SLC2A13: variants seen among roughly 807,000 people sequenced by gnomAD.
SLC2A13 encodes the protein proton myo-inositol cotransporter.
Under a neutral mutation model 64.4 loss-of-function variants are expected in SLC2A13, and 32 were observed. That is an observed-to-expected ratio of 0.50 (90% CI 0.37 to 0.67). The LOEUF (loss-of-function observed/expected upper bound fraction) is 0.67. Ranked by LOEUF, SLC2A13 falls within the 30% of genes least tolerant of loss-of-function variation. The pLI is 0.00. For synonymous variants in SLC2A13, 338 were observed against 327.1 expected (o/e 1.03, Z -0.36); for missense variants, 743 against 829.2 (o/e 0.90, Z 1.28).
chr12:39,994,393 A>C (rs1241283919), intron 3 of SLC2A13, among the ~76,000 whole-genome samples: 1 of 151,796 alleles, frequency 6.6e-6, no homozygotes, highest in Non-Finnish European at 1.5e-5. Context: ...AAAAAAAAAA[A>C]AAACAAAAAA....
chr12:39,969,517 C>T (rs1385069896), intron 3 of SLC2A13, among the ~76,000 whole-genome samples: 10 of 152,146 alleles, frequency 6.6e-5, no homozygotes, highest in East Asian at 1.9e-4. Flanking sequence ...TGATATCTCA[C>T]TGTGGTTTTG....
At chr12:39,988,673 G>A (rs540580063) in intron 3 of SLC2A13, among the ~76,000 whole-genome samples, 18 of 106,184 alleles carry the variant, frequency 1.7e-4, no homozygotes, top group African/African-American at 5.7e-4. Context: ...GAGGGAGGGA[G>A]GGAAGAAGGG....
chr12:39,993,598 G>A (rs1565580530), intron 3 of SLC2A13, among the ~76,000 whole-genome samples: 1 of 152,206 alleles, frequency 6.6e-6, no homozygotes, highest in Non-Finnish European at 1.5e-5. Context: ...AACATTAGAA[G>A]ACTGAAGATT....
intron 4 of SLC2A13, among the ~76,000 whole-genome samples, chr12:39,898,312 A>G (rs1944982030): frequency 6.6e-6 from 1 of 152,186 alleles, no homozygotes; most frequent in African/African-American, 2.4e-5. Context: ...ATACACCCAC[A>G]TGCCCAAAAC....
At chr12:39,978,769 C>G (rs790874) in intron 3 of SLC2A13, among the ~76,000 whole-genome samples, 59,291 of 151,972 alleles carry the variant, frequency 0.39, 11,820 homozygotes, top group Non-Finnish European at 0.44. Flanking sequence ...ATTGCCCAGG[C>G]TTGCTTAGGT....
chr12:39,800,561 A>C (rs1941753663), intron 7 of SLC2A13, among the ~76,000 whole-genome samples: 2 of 102,510 alleles, frequency 2.0e-5, no homozygotes, highest in Non-Finnish European at 3.9e-5. Flanking sequence ...ATCTCACACC[A>C]GTTAGAATGG....
At chr12:40,087,320 T>C (rs10878081) in intron 1 of SLC2A13, among the ~76,000 whole-genome samples, 34,428 of 152,104 alleles carry the variant, frequency 0.23, 4,572 homozygotes, top group East Asian at 0.49. Flanking sequence ...AATCTCTTAG[T>C]CTTTCTCTCC....
chr12:39,772,143 C>T (rs895652774), intron 7 of SLC2A13, among the ~76,000 whole-genome samples: 2 of 152,096 alleles, frequency 1.3e-5, no homozygotes, highest in Admixed American at 6.5e-5. Context: ...CCTTCTTCTA[C>T]GGTACTGAGA....
At chr12:39,984,735 T>G (rs1465683177) in intron 3 of SLC2A13, among the ~76,000 whole-genome samples, 2 of 152,200 alleles carry the variant, frequency 1.3e-5, no homozygotes, top group Non-Finnish European at 2.9e-5. Context: ...TTTAAGAGGC[T>G]AATGTCCGTC....
chr12:39,961,540 C>T (rs1313029355), intron 3 of SLC2A13, among the ~76,000 whole-genome samples: 2 of 152,114 alleles, frequency 1.3e-5, no homozygotes, highest in Admixed American at 6.5e-5. Context: ...ACTCTGTGCC[C>T]CAGACTAGAG....
intron 5 of SLC2A13, among the ~76,000 whole-genome samples, chr12:39,868,053 T>C (rs1047615613): frequency 6.6e-6 from 1 of 152,234 alleles, no homozygotes; most frequent in African/African-American, 2.4e-5. Context: ...TACTTATATT[T>C]AGTTAGTTAC....
At chr12:39,980,169 G>A (rs1305483741) in intron 3 of SLC2A13, among the ~76,000 whole-genome samples, 1 of 151,274 alleles carries the variant, frequency 6.6e-6, no homozygotes, top group Non-Finnish European at 1.5e-5. Context: ...AGCTCCTGAA[G>A]GAAGCGCTAA....
intron 7 of SLC2A13, among the ~76,000 whole-genome samples, chr12:39,800,444 CA>C (rs1941748616): frequency 6.9e-6 from 1 of 145,462 alleles, no homozygotes; most frequent in East Asian, 2.0e-4. Flanking sequence ...AGGACATGAA[CA>C]GACACTTCTC....
intron 7 of SLC2A13, among the ~76,000 whole-genome samples, chr12:39,799,884 G>A (rs768259543): frequency 6.6e-6 from 1 of 152,208 alleles, no homozygotes; most frequent in Non-Finnish European, 1.5e-5. Context: ...TTGGTGCAGA[G>A]AGAATCAAAT....
chr12:39,886,463 T>C (rs1944469104), intron 4 of SLC2A13, among the ~76,000 whole-genome samples: 1 of 152,128 alleles, frequency 6.6e-6, no homozygotes, highest in Admixed American at 6.5e-5. Context: ...GAAGAAGAAA[T>C]GCAATTATCT....
At chr12:39,979,092 A>G (rs1029216899) in intron 3 of SLC2A13, among the ~76,000 whole-genome samples, 1 of 151,796 alleles carries the variant, frequency 6.6e-6, no homozygotes, top group Non-Finnish European at 1.5e-5. Context: ...GGGTATTCCA[A>G]CAGACCTGCA....
At chr12:39,823,512 T>TTTTTG (rs1160581038) in intron 7 of SLC2A13, among the ~76,000 whole-genome samples, 4 of 152,200 alleles carry the variant, frequency 2.6e-5, no homozygotes, top group Admixed American at 6.5e-5. Context: ...ATACATTTGG[T>TTTTTG]CTTATGCTAT....
At chr12:39,837,370 C>A (rs1371454694) in intron 6 of SLC2A13, among the ~76,000 whole-genome samples, 2 of 136,304 alleles carry the variant, frequency 1.5e-5, no homozygotes, top group Non-Finnish European at 3.2e-5. Context: ...AACGTTAGAC[C>A]TAAAACCATA....
chr12:39,873,967 G>C (rs912504553), intron 4 of SLC2A13, among the ~76,000 whole-genome samples: 13 of 152,158 alleles, frequency 8.5e-5, no homozygotes, highest in African/African-American at 3.1e-4. Context: ...TATAAGCTAT[G>C]TGAATTACTA....
Sources: gnomAD v4.1 joint callset for allele counts (sites outside exome capture counted in the v4.1 genomes callset) on GRCh38, gnomAD v4.1.1 for gene constraint, MANE v1.5 for transcripts, NCBI Gene and HGNC (gene_info 2026-07-23, HGNC 2026-07-21) for gene names.